The following ZCCHC3 variants were observed in gnomAD, a reference collection of about 807,000 sequenced individuals.
ZCCHC3 encodes the protein zinc finger CCHC domain-containing protein 3.
In ZCCHC3, 20 loss-of-function variants were observed where a neutral mutation model predicts 18.4. The observed-to-expected ratio is 1.09, with a 90% CI of 0.76 to 1.58. ZCCHC3 has a LOEUF of 1.58. Ranked by LOEUF, ZCCHC3 falls within the 40% of genes most tolerant of loss-of-function variation. ZCCHC3 has a pLI of 0.00. For synonymous variants in ZCCHC3, 310 were observed against 232.7 expected, an observed-to-expected ratio of 1.33 and a Z score of -3.02; for missense variants, 548 against 511.2, an observed-to-expected ratio of 1.07 and a Z score of -0.69.
rs890678290 is a variant in ZCCHC3 at position 297,990 on chromosome 20, C to T, written c.404C>T (p.Thr135Ile). 4 of 1,327,754 alleles carry T rather than the reference C, an allele frequency of 3.0e-6. No individual in the cohort carries two copies. Among genetic ancestry groups the T allele is most frequent in the Non-Finnish European group, 3.8e-6 (4 of 1,044,526 alleles). 82.2% of individuals were successfully genotyped at this position (1,327,754 alleles called of 1,614,324 possible). Residue 135 changes from threonine (T) to isoleucine (I), a missense_variant, in exon 1 of 1, where the codon ACC becomes ATC. Physicochemically the swap from Thr to Ile is moderately conservative, Grantham distance 89. Coordinates refer to ENST00000500893, the MANE Select transcript of ZCCHC3 (RefSeq NM_033089.7). The stretch of plus-strand genomic sequence containing the variant: ...GAGGCGGCGGCGGCCGCCATGGCGA[C>T]CCCGGCCAGGCCCGGCGAGGCCGAG... Reference protein sequence around the residue: ...KAEAAAAAMATPARPGEAEDA... With the variant: ...KAEAAAAAMAIPARPGEAEDA...
In ZCCHC3 at chr20:298,609, G is replaced by A. The variant is rs752326683; in HGVS notation, c.1023G>A (p.Arg341=). Residue 341 remains arginine (R), a synonymous_variant, in exon 1 of 1, where the codon CGG becomes CGA. Coordinates refer to ENST00000500893, the MANE Select transcript of ZCCHC3 (RefSeq NM_033089.7). ...QPKTCFKCGS[R]THMSGSCTQD... ...AGACATGCTTTAAATGTGGTTCCCG[G>A]ACCCACATGAGCGGCAGCTGCACGC... is the stretch of plus-strand genomic sequence containing the variant. 18 of 940,414 alleles carry A rather than the reference G, an allele frequency of 1.9e-5. No individual in the cohort carries two copies. The highest frequency in any genetic ancestry group is 5.2e-5 in the Admixed American group (3 of 57,482). 58.3% of individuals were successfully genotyped at this position (940,414 alleles called of 1,614,324 possible).
Position 298,249 on chromosome 20 carries a change from G to A in ZCCHC3, c.663G>A (p.Lys221=), listed in dbSNP as rs1568497881. ...ACGTGAGCTTCCGCTCAGCGGAGAA[G>A]CTGGCCCTGTTCCTACGCGTCTACG... The part of the protein sequence containing the change: ...EFDVSFRSAE[K]LALFLRVYEE... Residue 221 remains lysine (K), a synonymous_variant, in exon 1 of 1, where the codon AAG becomes AAA. Coordinates refer to ENST00000500893, the MANE Select transcript of ZCCHC3 (RefSeq NM_033089.7). 2 of 948,494 alleles carry A rather than the reference G, an allele frequency of 2.1e-6. No individual in the cohort carries two copies. Among genetic ancestry groups the A allele is most frequent in the South Asian group, 1.3e-5 (1 of 78,012 alleles). The allele number at this position is 948,494 out of a possible 1,614,324, so 58.8% of individuals were successfully genotyped here. A position where few individuals can be genotyped will look rare whatever the true frequency, so the allele number is the denominator to read the frequency against.
In ZCCHC3 at chr20:299,590, T is replaced by A. The variant is rs2122374958; in HGVS notation, c.*792T>A. The A allele has an allele frequency of 6.0e-6, 1 of 167,210 alleles. No homozygotes were observed. Among genetic ancestry groups the A allele is most frequent in the East Asian group, 1.9e-4 (1 of 5,186 alleles). The allele number at this position is 167,210 out of a possible 1,614,324, so 10.4% of individuals were successfully genotyped here. A position where few individuals can be genotyped will look rare whatever the true frequency, so the allele number is the denominator to read the frequency against. On this transcript the variant is annotated 3_prime_UTR_variant, in exon 1 of 1. Transcript: ENST00000500893. ...AACAGGCCCAAAGAGGTTAAATGAC[T>A]GGGTGAAAATCACATAGCTGTCTGG...
chr20:297,676 G>A lies in ZCCHC3; in HGVS notation c.90G>A (p.Glu30=), dbSNP rs2012662611. 7.3e-7 allele frequency: 1 copy of A among 1,364,818 alleles called. No homozygotes were observed. Among genetic ancestry groups the A allele is most frequent in the East Asian group, 3.1e-5 (1 of 32,324 alleles). The allele number at this position is 1,364,818 out of a possible 1,614,324, so 84.5% of individuals were successfully genotyped here. The change falls in exon 1 of 1, where the codon GAG becomes GAA. Residue 30 remains glutamate, a synonymous_variant. Coordinates refer to ENST00000500893, the MANE Select transcript of ZCCHC3 (RefSeq NM_033089.7). ...PPARPAARGE[E]ADGGREKMGW... ...CGCGGCCCGCGGCCCGGGGCGAGGA[G>A]GCCGACGGCGGCCGCGAGAAGATGG...
At position 297,649 on chromosome 20, in the gene ZCCHC3, C is replaced by T. The variant is rs1370849833; in HGVS notation, c.63C>T (p.Pro21=). 16 of 1,370,212 alleles carry T rather than the reference C, an allele frequency of 1.2e-5. No homozygotes were observed. The highest frequency in any genetic ancestry group is 2.5e-4 in the Middle Eastern group (1 of 4,004). 84.9% of individuals were successfully genotyped at this position (1,370,212 alleles called of 1,614,324 possible). A position where few individuals can be genotyped will look rare whatever the true frequency, so the allele number is the denominator to read the frequency against. The change falls in exon 1 of 1, where the codon CCC becomes CCT. Residue 21 remains proline, a synonymous_variant. Coordinates refer to ENST00000500893, the MANE Select transcript of ZCCHC3 (RefSeq NM_033089.7). ...GGGGGCGGCCGCAGCTTCTGCCCCC[C>T]GCGCGGCCCGCGGCCCGGGGCGAGG... ...RKRGRPQLLP[P]ARPAARGEEA...
Position 297,995 on chromosome 20 carries a change from G to A in ZCCHC3, c.409G>A (p.Ala137Thr). 1 of 1,348,962 alleles carries A rather than the reference G, an allele frequency of 7.4e-7. No individual in the cohort carries two copies. 83.6% of individuals were successfully genotyped at this position (1,348,962 alleles called of 1,614,324 possible). ...EAAAAAMATP[A>T]RPGEAEDAAE... Reference sequence around the variant, plus strand: ...GGCGGCGGCCGCCATGGCGACCCCGGCCAGGCCCGGCGAGGCCGAGGACGC... The same window carrying A: ...GGCGGCGGCCGCCATGGCGACCCCGACCAGGCCCGGCGAGGCCGAGGACGC... Residue 137 changes from alanine to threonine, a missense_variant, in exon 1 of 1, where the codon GCC becomes ACC. Physicochemically the swap from Ala to Thr is moderately conservative, Grantham distance 58 (BLOSUM62 0). Transcript: ENST00000500893.
Position 299,962 on chromosome 20 carries a change from T to A in ZCCHC3, c.*1164T>A, listed in dbSNP as rs1312125972. 1 of 166,940 alleles carries A rather than the reference T, an allele frequency of 6.0e-6. No homozygotes were observed. The highest frequency in any genetic ancestry group is 1.9e-4 in the East Asian group (1 of 5,192). 10.3% of individuals were successfully genotyped at this position (166,940 alleles called of 1,614,324 possible). On this transcript the variant is annotated 3_prime_UTR_variant, in exon 1 of 1. Coordinates refer to ENST00000500893, the MANE Select transcript of ZCCHC3 (RefSeq NM_033089.7). ...CATTGCCACCAGTGAGAAATGGGGGTGCCCCTGTGTAAAGAAACCTACCAA... is the reference window on the plus strand; with the variant it reads ...CATTGCCACCAGTGAGAAATGGGGGAGCCCCTGTGTAAAGAAACCTACCAA...
rs1379470346 is a variant in ZCCHC3 at position 297,686 on chromosome 20, G to A, written c.100G>A (p.Gly34Ser). 2.9e-6 allele frequency: 4 copies of A among 1,366,860 alleles called. No homozygotes were observed. Among genetic ancestry groups the A allele is most frequent in the Non-Finnish European group, 3.8e-6 (4 of 1,057,678 alleles). The allele number at this position is 1,366,860 out of a possible 1,614,324, so 84.7% of individuals were successfully genotyped here. ...PAARGEEADG[G>S]REKMGWAQVV... is the part of the protein sequence containing the mutation. ...GGCCCGGGGCGAGGAGGCCGACGGC[G>A]GCCGCGAGAAGATGGGCTGGGCCCA... The change falls in exon 1 of 1, where the codon GGC (glycine) becomes AGC (serine). Residue 34 changes from glycine to serine, a missense_variant. Gly to Ser is a moderately conservative substitution (Grantham distance 56). Transcript: ENST00000500893.
chr20:297,578 G>A lies in ZCCHC3; in HGVS notation c.-9G>A, dbSNP rs992725994. The A allele has an allele frequency of 1.0e-5, 14 of 1,353,810 alleles. No individual in the cohort carries two copies. Among genetic ancestry groups the A allele is most frequent in the South Asian group, 1.8e-5 (1 of 54,390 alleles). The allele number at this position is 1,353,810 out of a possible 1,614,324, so 83.9% of individuals were successfully genotyped here. A position where few individuals can be genotyped will look rare whatever the true frequency, so the allele number is the denominator to read the frequency against. On this transcript the variant is annotated 5_prime_UTR_variant, in exon 1 of 1. Coordinates refer to ENST00000500893, the MANE Select transcript of ZCCHC3 (RefSeq NM_033089.7). ...GGGAGCGAGTGGAGGATGCTGGGAA[G>A]GAGGTAAAATGGCCACCGGCGGCGG...
At position 297,594 on chromosome 20, in the gene ZCCHC3, CCGG is replaced by C. The variant is rs1203398432; in HGVS notation, c.17_19del (p.Gly6del). The C allele has an allele frequency of 3.7e-6, 5 of 1,369,582 alleles. No individual in the cohort carries two copies. Among genetic ancestry groups the C allele is most frequent in the Non-Finnish European group, 4.7e-6 (5 of 1,057,790 alleles). 84.8% of individuals were successfully genotyped at this position (1,369,582 alleles called of 1,614,324 possible). A position where few individuals can be genotyped will look rare whatever the true frequency, so the allele number is the denominator to read the frequency against. On this transcript the variant is annotated inframe_deletion, in exon 1 of 1. Coordinates refer to ENST00000500893, the MANE Select transcript of ZCCHC3 (RefSeq NM_033089.7). ...TGCTGGGAAGGAGGTAAAATGGCCA[CCGG>C]CGGCGGCGCGGAGGAAGAGAGGAAA...
In ZCCHC3 at chr20:298,340, T is replaced by C; in HGVS notation, c.754T>C (p.Leu252=). 1 of 783,678 alleles carries C rather than the reference T, an allele frequency of 1.3e-6. No individual in the cohort carries two copies. The highest frequency in any genetic ancestry group is 2.4e-6 in the Non-Finnish European group (1 of 420,468). The allele number at this position is 783,678 out of a possible 1,614,324, so 48.5% of individuals were successfully genotyped here. ...FVVLGRSKSS[L]KTLFILFRNE... The stretch of plus-strand genomic sequence containing the variant: ...GGTGCTGGGGCGGAGCAAGTCCAGC[T>C]TGAAGACGCTCTTCATCCTCTTCCG... The change falls in exon 1 of 1, where the codon TTG becomes CTG. Residue 252 remains leucine, a synonymous_variant. Transcript: ENST00000500893.
In ZCCHC3 at chr20:297,685, C is replaced by A. The variant is rs1209163042; in HGVS notation, c.99C>A (p.Gly33=). The A allele has an allele frequency of 1.5e-6, 2 of 1,363,460 alleles. No homozygotes were observed. Among genetic ancestry groups the A allele is most frequent in the East Asian group, 3.1e-5 (1 of 32,268 alleles). 84.5% of individuals were successfully genotyped at this position (1,363,460 alleles called of 1,614,324 possible). ...CGGCCCGGGGCGAGGAGGCCGACGG[C>A]GGCCGCGAGAAGATGGGCTGGGCCC... is the stretch of plus-strand genomic sequence containing the variant. ...RPAARGEEAD[G]GREKMGWAQV... The change falls in exon 1 of 1, where the codon GGC becomes GGA. Residue 33 remains glycine, a synonymous_variant. Coordinates refer to ENST00000500893, the MANE Select transcript of ZCCHC3 (RefSeq NM_033089.7).
Position 300,059 on chromosome 20 carries a change from ACTCCTGATT to A in ZCCHC3, c.*1265_*1273del, listed in dbSNP as rs2012718939. On this transcript the variant is annotated 3_prime_UTR_variant, in exon 1 of 1. Transcript: ENST00000500893. Reference sequence around the variant, plus strand: ...AGCAGCTAGCTGGAGCTCATGTGCAACTCCTGATTCTCAGGAGAAAGATGGATTTTAACC... The same window carrying A: ...AGCAGCTAGCTGGAGCTCATGTGCAACTCAGGAGAAAGATGGATTTTAACC... 1 of 166,660 alleles carries A rather than the reference ACTCCTGATT, an allele frequency of 6.0e-6. No individual in the cohort carries two copies. Among genetic ancestry groups the A allele is most frequent in the Admixed American group, 6.6e-5 (1 of 15,232 alleles). The allele number at this position is 166,660 out of a possible 1,614,324, so 10.3% of individuals were successfully genotyped here.
At position 297,677 on chromosome 20, in the gene ZCCHC3, GC is replaced by G; in HGVS notation, c.93del (p.Asp32ThrfsTer13). 1 of 1,365,094 alleles carries G rather than the reference GC, an allele frequency of 7.3e-7. No homozygotes were observed. The highest frequency in any genetic ancestry group is 9.5e-7 in the Non-Finnish European group (1 of 1,057,008). 84.6% of individuals were successfully genotyped at this position (1,365,094 alleles called of 1,614,324 possible). Reference sequence around the variant, plus strand: ...GCGGCCCGCGGCCCGGGGCGAGGAGGCCGACGGCGGCCGCGAGAAGATGGGC... The same window carrying G: ...GCGGCCCGCGGCCCGGGGCGAGGAGGCGACGGCGGCCGCGAGAAGATGGGC... Reference protein sequence around the residue: ...PARPAARGEEADGGREKMGWA... With the variant: ...PARPAARGEEXDGGREKMGWA... On this transcript the variant is annotated frameshift_variant, in exon 1 of 1. Transcript: ENST00000500893. LOFTEE classifies it high-confidence loss of function.
At position 297,776 on chromosome 20, in the gene ZCCHC3, G is replaced by A. The variant is rs1219300771; in HGVS notation, c.190G>A (p.Glu64Lys). The A allele has an allele frequency of 4.4e-6, 6 of 1,371,624 alleles. No individual in the cohort carries two copies. The highest frequency in any genetic ancestry group is 5.7e-6 in the Non-Finnish European group (6 of 1,058,210). 85.0% of individuals were successfully genotyped at this position (1,371,624 alleles called of 1,614,324 possible). A position where few individuals can be genotyped will look rare whatever the true frequency, so the allele number is the denominator to read the frequency against. ...FREPRPPRRE[E>K]ESGGGGGSAG... ...CGAGCCGCGGCCGCCGCGGCGGGAG[G>A]AGGAAAGCGGCGGCGGTGGAGGGAG... Residue 64 changes from glutamate to lysine, a missense_variant, in exon 1 of 1, where the codon GAG (glutamate) becomes AAG (lysine). Physicochemically the swap from Glu to Lys is moderately conservative, Grantham distance 56. Coordinates refer to ENST00000500893, the MANE Select transcript of ZCCHC3 (RefSeq NM_033089.7).
chr20:300,127 T>A lies in ZCCHC3; in HGVS notation c.*1329T>A, dbSNP rs2012719828. The A allele has an allele frequency of 6.0e-6, 1 of 167,118 alleles. No homozygotes were observed. The highest frequency in any genetic ancestry group is 1.5e-5 in the Non-Finnish European group (1 of 68,126). 10.4% of individuals were successfully genotyped at this position (167,118 alleles called of 1,614,324 possible). On this transcript the variant is annotated 3_prime_UTR_variant, in exon 1 of 1. Coordinates refer to ENST00000500893, the MANE Select transcript of ZCCHC3 (RefSeq NM_033089.7). ...TGAGTGAGCTGTTAACTCTAAAATG[T>A]ACTTGGGAGATAGGCCAAGCGAGAG...
At position 298,505 on chromosome 20, in the gene ZCCHC3, G is replaced by T. The variant is rs1364304375; in HGVS notation, c.919G>T (p.Glu307Ter). ...YKCEIELRQG[E>*]GGVRHLPGAF... is the part of the protein sequence containing the mutation. The stretch of plus-strand genomic sequence containing the variant: ...ATGCGAGATCGAGCTGCGCCAGGGG[G>T]AGGGCGGGGTCAGGCACTTGCCAGG... Residue 307 changes from glutamate to a stop codon, truncating the protein, a stop_gained, in exon 1 of 1, where the codon GAG (glutamate) becomes TAG (stop). Coordinates refer to ENST00000500893, the MANE Select transcript of ZCCHC3 (RefSeq NM_033089.7). LOFTEE classifies it high-confidence loss of function. 1 of 759,862 alleles carries T rather than the reference G, an allele frequency of 1.3e-6. No homozygotes were observed. The highest frequency in any genetic ancestry group is 2.5e-6 in the Non-Finnish European group (1 of 405,792). 47.1% of individuals were successfully genotyped at this position (759,862 alleles called of 1,614,324 possible).
chr20:297,633 C>A lies in ZCCHC3; in HGVS notation c.47C>A (p.Pro16Gln). Reference protein sequence around the residue: ...GAEEERKRGRPQLLPPARPAA... With the variant: ...GAEEERKRGRQQLLPPARPAA... ...GAGGAAGAGAGGAAACGGGGGCGGC[C>A]GCAGCTTCTGCCCCCCGCGCGGCCC... is the stretch of plus-strand genomic sequence containing the variant. Residue 16 changes from proline to glutamine, a missense_variant, in exon 1 of 1, where the codon CCG (proline) becomes CAG (glutamine). Pro to Gln is a moderately conservative substitution (Grantham distance 76). Coordinates refer to ENST00000500893, the MANE Select transcript of ZCCHC3 (RefSeq NM_033089.7). The A allele has an allele frequency of 7.3e-7, 1 of 1,378,670 alleles. No individual in the cohort carries two copies. Among genetic ancestry groups the A allele is most frequent in the Non-Finnish European group, 9.4e-7 (1 of 1,063,646 alleles). The allele number at this position is 1,378,670 out of a possible 1,614,324, so 85.4% of individuals were successfully genotyped here.
rs975070719 is a variant in ZCCHC3 at position 297,630 on chromosome 20, G to A, written c.44G>A (p.Arg15Gln). 17 of 1,378,656 alleles carry A rather than the reference G, an allele frequency of 1.2e-5. No homozygotes were observed. The highest frequency in any genetic ancestry group is 4.6e-5 in the African/African-American group (3 of 65,302). 85.4% of individuals were successfully genotyped at this position (1,378,656 alleles called of 1,614,324 possible). ...GCGGAGGAAGAGAGGAAACGGGGGC[G>A]GCCGCAGCTTCTGCCCCCCGCGCGG... is the stretch of plus-strand genomic sequence containing the variant. ...GGAEEERKRGRPQLLPPARPA... is the reference protein window; with the variant it reads ...GGAEEERKRGQPQLLPPARPA... Residue 15 changes from arginine to glutamine, a missense_variant, in exon 1 of 1, where the codon CGG (arginine) becomes CAG (glutamine). Arg to Gln is a conservative substitution (Grantham distance 43). Transcript: ENST00000500893.
Sources: allele counts gnomAD v4.1 joint callset, GRCh38; gene constraint gnomAD v4.1.1; transcripts MANE v1.5; gene names NCBI Gene and HGNC (gene_info 2026-07-23, HGNC 2026-07-21).